EFCAB6: variants seen among roughly 807,000 people sequenced by gnomAD.
EFCAB6 encodes the protein EF-hand calcium binding domain 6, also known as EF-hand calcium-binding domain-containing protein 6.
EFCAB6 carries 156 observed loss-of-function variants against 169.8 expected under a neutral mutation model. The ratio of observed to expected loss-of-function variants is 0.92; its 90% CI spans 0.81 to 1.05. The LOEUF is 1.05. EFCAB6 is among the 50% of genes least tolerant of loss of function. The pLI, the probability that EFCAB6 is intolerant of heterozygous loss-of-function variation, is 0.00. For synonymous variants in EFCAB6, 698 were observed against 676.4 expected, an observed-to-expected ratio of 1.03 and a Z score of -0.50; for missense variants, 1,800 against 1,829.1, an observed-to-expected ratio of 0.98 and a Z score of 0.29.
At chr22:43,554,209 G>A (rs951268751) in intron 27 of EFCAB6, 1 of 152,664 alleles carries the variant, frequency 6.6e-6, no homozygotes, top group African/African-American at 2.4e-5. Flanking sequence ...GTCTGCCTTT[G>A]TTCATGGTCC....
intron 20 of EFCAB6, among the ~76,000 whole-genome samples, chr22:43,623,998 G>A (rs2054313858): frequency 6.6e-6 from 1 of 152,034 alleles, no homozygotes; most frequent in African/African-American, 2.4e-5. Flanking sequence ...AGGGCAGGCT[G>A]TCCAGGCAGA....
intron 4 of EFCAB6, among the ~76,000 whole-genome samples, chr22:43,766,640 G>C (rs545775701): frequency 1.3e-5 from 2 of 151,756 alleles, no homozygotes; most frequent in African/African-American, 2.4e-5. Context: ...TCAGCCTCCC[G>C]AGAGCTTGGG....
chr22:43,535,013 G>A (rs2047303876), intron 29 of EFCAB6, 141 bp from the exon 30 acceptor site: 1 of 835,932 alleles, frequency 1.2e-6, no homozygotes, highest in Non-Finnish European at 1.8e-6. Flanking sequence ...ACGGTTGGTG[G>A]CTGGACATAT....
chr22:43,596,851 C>T (rs956317477), intron 23 of EFCAB6, among the ~76,000 whole-genome samples: 2 of 152,072 alleles, frequency 1.3e-5, no homozygotes, highest in Non-Finnish European at 2.9e-5. Flanking sequence ...TTTCAAATTA[C>T]ACTACAAAGT....
At chr22:43,666,973 A>G in intron 17 of EFCAB6, 131 bp downstream of exon 17, 1 of 1,187,710 alleles carries the variant, frequency 8.4e-7, no homozygotes, top group Non-Finnish European at 1.1e-6. Context: ...AAATCCTTTT[A>G]AATTGTTGAA....
intron 4 of EFCAB6, among the ~76,000 whole-genome samples, chr22:43,765,987 G>C (rs1019990599): frequency 3.9e-5 from 6 of 152,088 alleles, no homozygotes; most frequent in African/African-American, 1.4e-4. Flanking sequence ...ATGTTTTTGG[G>C]GTAAAGAACT....
rs1221990207 is a variant in EFCAB6 at position 43,600,111 on chromosome 22, A to C, written c.2834T>G (p.Met945Arg). The change falls in exon 23 of 32, where the codon ATG (methionine) becomes AGG (arginine). Residue 945 changes from methionine (M) to arginine (R), a missense_variant. Transcript: ENST00000262726. ...CTCTGTGCTCTGCTGCAGCTCCTTC[A>C]TCTCTTCCTGTAGCTGCTGTGGCTT... ...FTKPQQLQEEMKELQQSTEKA... is the reference protein window; with the variant it reads ...FTKPQQLQEERKELQQSTEKA... 2 of 1,614,068 alleles carry C rather than the reference A, an allele frequency of 1.2e-6. No individual in the cohort carries two copies. The highest frequency in any genetic ancestry group is 1.7e-6 in the Non-Finnish European group (2 of 1,179,992).
intron 10 of EFCAB6, among the ~76,000 whole-genome samples, chr22:43,693,661 A>G (rs1292165271): frequency 1.3e-5 from 2 of 151,738 alleles, no homozygotes; most frequent in Admixed American, 1.3e-4. Flanking sequence ...ATACTAATGA[A>G]AGATAATAAT....
At chr22:43,738,559 G>GCA in intron 6 of EFCAB6, among the ~76,000 whole-genome samples, 2 of 149,392 alleles carry the variant, frequency 1.3e-5, no homozygotes, top group Middle Eastern at 3.6e-3. Flanking sequence ...ATACTCACAT[G>GCA]CACACACACT....
intron 10 of EFCAB6, among the ~76,000 whole-genome samples, chr22:43,709,900 T>G (rs1394451507): frequency 1.3e-5 from 2 of 152,192 alleles, no homozygotes; most frequent in African/African-American, 4.8e-5. Flanking sequence ...ACATGGTGAT[T>G]CTCTCTGGAC....
intron 3 of EFCAB6, among the ~76,000 whole-genome samples, chr22:43,778,553 G>T (rs1285659278): frequency 2.6e-5 from 4 of 152,128 alleles, no homozygotes; most frequent in Admixed American, 2.6e-4. Context: ...GGACAACAAA[G>T]AGGCCTCCCA....
chr22:43,580,328 T>C (rs2050637495), intron 25 of EFCAB6, 136 bp downstream of exon 25: 1 of 890,860 alleles, frequency 1.1e-6, no homozygotes, highest in Non-Finnish European at 1.7e-6. Flanking sequence ...ACTACCCACA[T>C]AAAAACTCTG....
intron 20 of EFCAB6, among the ~76,000 whole-genome samples, chr22:43,617,002 C>T (rs1225589463): frequency 6.6e-6 from 1 of 152,198 alleles, no homozygotes; most frequent in African/African-American, 2.4e-5. Flanking sequence ...TCCCCAACTA[C>T]AGCCTTGATG....
chr22:43,569,748 G>C (rs182501730), intron 26 of EFCAB6, among the ~76,000 whole-genome samples: 2 of 152,346 alleles, frequency 1.3e-5, no homozygotes, highest in Non-Finnish European at 2.9e-5. Flanking sequence ...CAGGATGGCA[G>C]GTAGTGAATT....
At chr22:43,591,344 C>T (rs936352668) in intron 23 of EFCAB6, among the ~76,000 whole-genome samples, 10 of 151,198 alleles carry the variant, frequency 6.6e-5, no homozygotes, top group African/African-American at 2.4e-4. Context: ...GTAATCCCAG[C>T]TACTCGAGAG....
At chr22:43,752,836 C>T (rs867959736) in intron 6 of EFCAB6, among the ~76,000 whole-genome samples, 15 of 152,042 alleles carry the variant, frequency 9.9e-5, no homozygotes, top group African/African-American at 3.4e-4. Flanking sequence ...TTGGAGTCTT[C>T]GGTTTCTCAT....
In EFCAB6 at chr22:43,772,951, T is replaced by C. The variant is rs757692825; in HGVS notation, c.292A>G (p.Ile98Val). The change falls in exon 4 of 32, where the codon ATC becomes GTC. Residue 98 changes from isoleucine (I) to valine (V), a missense_variant. Physicochemically the swap from Ile to Val is conservative, Grantham distance 29. Transcript: ENST00000262726. The part of the protein sequence containing the change: ...LTVSKSELRR[I>V]ITDFLMPLTR... ...AGCGGCATCAGGAAGTCTGTGATGA[T>C]TCTTCTCAGTTCACTTTTTGACACA... 3.1e-6 allele frequency: 5 copies of C among 1,614,198 alleles called. 1 individual carries two copies. The South Asian group carries it at 3.3e-5, about 11-fold the overall frequency.
chr22:43,742,328 C>T (rs897187287), intron 6 of EFCAB6, among the ~76,000 whole-genome samples: 1 of 152,178 alleles, frequency 6.6e-6, no homozygotes, highest in African/African-American at 2.4e-5. Flanking sequence ...ATTTACATAT[C>T]GTCTAGGGAC....
chr22:43,782,294 C>A lies in EFCAB6; in HGVS notation c.25G>T (p.Asp9Tyr). The A allele has an allele frequency of 6.2e-7, 1 of 1,613,340 alleles. No individual in the cohort carries two copies. Among genetic ancestry groups the A allele is most frequent in the Non-Finnish European group, 8.5e-7 (1 of 1,179,842 alleles). The part of the protein sequence containing the change: MCKMAIIP[D>Y]WLRSHPHTRK... ...GTGTGAGGATGCGACCTAAGCCAGT[C>A]TGGTATAATCGCCATTTTGCACATT... The change falls in exon 3 of 32, where the codon GAC (aspartate) becomes TAC (tyrosine). Residue 9 changes from aspartate (D) to tyrosine (Y), a missense_variant. By Grantham distance (160) the Asp-to-Tyr change is radical. Transcript: ENST00000262726.
Sources: gnomAD v4.1 joint callset for allele counts (sites outside exome capture counted in the v4.1 genomes callset) on GRCh38, gnomAD v4.1.1 for gene constraint, MANE v1.5 for transcripts, NCBI Gene and HGNC (gene_info 2026-07-23, HGNC 2026-07-21) for gene names.